Variants in SLC22A2 observed in about 807,000 individuals in gnomAD.
SLC22A2 encodes the protein solute carrier family 22 member 2.
A neutral mutation model predicts 60.5 loss-of-function variants in SLC22A2; 46 were observed. The observed-to-expected ratio is 0.76, with a 90% CI of 0.60 to 0.97. The LOEUF is 0.97. Among genes scored for constraint, SLC22A2 ranks in the 50% least tolerant of loss-of-function variants. The pLI, the probability that SLC22A2 is intolerant of heterozygous loss-of-function variation, is 0.00. For missense variants in SLC22A2, 701 were observed against 706.6 expected, an observed-to-expected ratio of 0.99 and a Z score of 0.09; for synonymous variants, 303 against 267.0, an observed-to-expected ratio of 1.13 and a Z score of -1.31.
chr6:160,224,608 G>T, intron 10 of SLC22A2, 97 bp downstream of exon 10: 1 of 567,318 alleles, frequency 1.8e-6, no homozygotes, highest in East Asian at 3.0e-5. Flanking sequence ...TCAGTGTATG[G>T]TGTGAAGTAT....
chr6:160,217,448 T>C lies in SLC22A2; in HGVS notation c.1652A>G (p.Asp551Gly). 2 of 1,604,202 alleles carry C rather than the reference T, an allele frequency of 1.2e-6. No homozygotes were observed. Among genetic ancestry groups the C allele is most frequent in the African/African-American group, 2.7e-5 (2 of 74,782 alleles). Residue 551 changes from aspartate to glycine, a missense_variant, in exon 11 of 11, where the codon GAC becomes GGC. Coordinates refer to ENST00000366953, the MANE Select transcript of SLC22A2 (RefSeq NM_003058.4). ...KMIYLQVQKL[D>G]IPLN ...TCTCTCTTCTTAGTTCAATGGAATGTCTAGTTTCTGAACTTGGAGGTAAAT... is the reference window on the plus strand; with the variant it reads ...TCTCTCTTCTTAGTTCAATGGAATGCCTAGTTTCTGAACTTGGAGGTAAAT...
chr6:160,222,026 C>T (rs1782652519), intron 10 of SLC22A2, among the ~76,000 whole-genome samples: 1 of 152,096 alleles, frequency 6.6e-6, no homozygotes, highest in Non-Finnish European at 1.5e-5. Context: ...CTGCAAAGCA[C>T]AATAAAATGA....
chr6:160,229,634 C>CT, intron 9 of SLC22A2, among the ~76,000 whole-genome samples: 1 of 151,740 alleles, frequency 6.6e-6, no homozygotes, highest in East Asian at 1.9e-4. Context: ...TTACACTTTT[C>CT]TGGGGGGCAA....
At position 160,234,536 on chromosome 6, in the gene SLC22A2, C is replaced by T. The variant is rs199975226; in HGVS notation, c.1501+6938G>A. Among the ~76,000 whole-genome samples, 4 of 152,276 alleles carry T rather than the reference C, an allele frequency of 2.6e-5. No individual in the cohort carries two copies. The East Asian group carries it at 5.8e-4, about 22-fold the overall frequency. On this transcript the variant is annotated intron_variant, in intron 9 of 10. Coordinates refer to ENST00000366953, the MANE Select transcript of SLC22A2 (RefSeq NM_003058.4). Reference sequence around the variant, plus strand: ...GCTTTTCTCCCTTTCTCTCCTTTCTCTTTTCTATTTTTTCTGTTACTCAGG... The same window carrying T: ...GCTTTTCTCCCTTTCTCTCCTTTCTTTTTTCTATTTTTTCTGTTACTCAGG...
chr6:160,251,121 T>A (rs1783179411), intron 2 of SLC22A2, among the ~76,000 whole-genome samples: 1 of 152,230 alleles, frequency 6.6e-6, no homozygotes, highest in Admixed American at 6.5e-5. Context: ...ACTTTTTCAC[T>A]TTGAAAACAA....
rs572985419 is a variant in SLC22A2 at position 160,247,918 on chromosome 6, GGCTGCT to G, written c.843-626_843-621del. Among the ~76,000 whole-genome samples the G allele has an allele frequency of 6.6e-5, 10 of 152,262 alleles. No homozygotes were observed. The South Asian group carries it at 2.1e-3, about 32-fold the overall frequency. ...AGAAACTGGAGAAAGGAGATAATAG[GGCTGCT>G]GCTGTGGCAGTTATGGTGTAAATGT... On this transcript the variant is annotated intron_variant, in intron 4 of 10. Transcript: ENST00000366953.
Position 160,217,299 on chromosome 6 carries a change from G to A in SLC22A2, c.*133C>T. 3.4e-6 allele frequency: 2 copies of A among 582,344 alleles called. No homozygotes were observed. Among genetic ancestry groups the A allele is most frequent in the Non-Finnish European group, 6.1e-6 (2 of 329,100 alleles). 36.1% of individuals were successfully genotyped at this position (582,344 alleles called of 1,614,324 possible). A position where few individuals can be genotyped will look rare whatever the true frequency, so the allele number is the denominator to read the frequency against. On this transcript the variant is annotated 3_prime_UTR_variant, in exon 11 of 11. Coordinates refer to ENST00000366953, the MANE Select transcript of SLC22A2 (RefSeq NM_003058.4). Reference sequence around the variant, plus strand: ...CAGTGTACAATAGACTCCACTGGCTGTAGACCTAGGTTGATAGGGCTCAGG... The same window carrying A: ...CAGTGTACAATAGACTCCACTGGCTATAGACCTAGGTTGATAGGGCTCAGG...
Position 160,220,341 on chromosome 6 carries a change from G to T in SLC22A2, c.1602-2843C>A, listed in dbSNP as rs889144520. Among the ~76,000 whole-genome samples the T allele has an allele frequency of 1.7e-4, 26 of 152,106 alleles. 1 individual carries two copies. The highest frequency in any genetic ancestry group is 2.4e-5 in the African/African-American group (1 of 41,400). ...GTTGAAGCAATTCAGTCACATCTTC[G>T]GGCTCTACTTCTAATTCTAGTTCTT... On this transcript the variant is annotated intron_variant, in intron 10 of 10. Coordinates refer to ENST00000366953, the MANE Select transcript of SLC22A2 (RefSeq NM_003058.4).
chr6:160,219,456 G>A (rs187215367), intron 10 of SLC22A2, among the ~76,000 whole-genome samples: 104 of 144,336 alleles, frequency 7.2e-4, no homozygotes, highest in Middle Eastern at 3.6e-3. Context: ...CGGGTGCTTC[G>A]TCGCACTGTC....
At chr6:160,252,585 A>C (rs1783206260) in intron 2 of SLC22A2, among the ~76,000 whole-genome samples, 2 of 152,174 alleles carry the variant, frequency 1.3e-5, no homozygotes, top group South Asian at 4.1e-4. Context: ...AAGAAACAGG[A>C]CAGGAAGGGT....
At chr6:160,245,851 C>T (rs1256866309) in intron 5 of SLC22A2, among the ~76,000 whole-genome samples, 2 of 149,910 alleles carry the variant, frequency 1.3e-5, no homozygotes, top group Non-Finnish European at 3.0e-5. Context: ...GCATGCACCA[C>T]AATGCCCAGC....
chr6:160,233,230 C>T (rs1008494427), intron 9 of SLC22A2, among the ~76,000 whole-genome samples: 1 of 151,904 alleles, frequency 6.6e-6, no homozygotes, highest in East Asian at 1.9e-4. Context: ...TGGGTAGAGG[C>T]CTTTTCCACA....
intron 5 of SLC22A2, among the ~76,000 whole-genome samples, chr6:160,246,336 C>T (rs1221071911): frequency 2.6e-5 from 4 of 152,130 alleles, no homozygotes; most frequent in Admixed American, 6.5e-5. Flanking sequence ...CTTTTCTACC[C>T]GCTGTGGAAT....
intron 9 of SLC22A2, among the ~76,000 whole-genome samples, chr6:160,228,827 T>C (rs1782770187): frequency 6.6e-6 from 1 of 151,668 alleles, no homozygotes; most frequent in Non-Finnish European, 1.5e-5. Flanking sequence ...GCTCAAAAGC[T>C]CCCCCACTGA....
intron 5 of SLC22A2, among the ~76,000 whole-genome samples, chr6:160,246,321 C>T (rs879647464): frequency 1.3e-5 from 2 of 152,174 alleles, no homozygotes; most frequent in Admixed American, 6.5e-5. Flanking sequence ...TAAGCTTAAT[C>T]TTCTCTTTTC....
At chr6:160,250,826 A>G (rs1289834340) in intron 2 of SLC22A2, 124 bp from the exon 3 acceptor site, 9 of 947,046 alleles carry the variant, frequency 9.5e-6, no homozygotes, top group Non-Finnish European at 1.4e-5. Flanking sequence ...TTATGAATCC[A>G]GGAGGCACAG....
chr6:160,258,445 C>T lies in SLC22A2; in HGVS notation c.313G>A (p.Asp105Asn), dbSNP rs753326999. 3 of 1,614,138 alleles carry T rather than the reference C, an allele frequency of 1.9e-6. No homozygotes were observed. The highest frequency in any genetic ancestry group is 2.2e-5 in the East Asian group (1 of 44,854). Residue 105 changes from aspartate to asparagine, a missense_variant, in exon 1 of 11, where the codon GAC (aspartate) becomes AAC (asparagine). By Grantham distance (23) the Asp-to-Asn change is conservative (BLOSUM62 1). Coordinates refer to ENST00000366953, the MANE Select transcript of SLC22A2 (RefSeq NM_003058.4). ...TTGGTGTCCAGGCTGGCCAGGGGGT[C>T]CACGCAGTCGAAGGTGCTCTGGTTC... Reference protein sequence around the residue: ...DWNQSTFDCVDPLASLDTNRS... With the variant: ...DWNQSTFDCVNPLASLDTNRS...
At chr6:160,258,301 C>A in intron 1 of SLC22A2, 43 bp downstream of exon 1, 1 of 1,541,596 alleles carries the variant, frequency 6.5e-7, no homozygotes, top group South Asian at 1.3e-5. Context: ...AGAAAATCTC[C>A]ACCATTTGCT....
intron 2 of SLC22A2, among the ~76,000 whole-genome samples, chr6:160,255,656 T>G (rs181850898): frequency 6.6e-6 from 1 of 152,320 alleles, no homozygotes; most frequent in African/African-American, 2.4e-5. Flanking sequence ...ACTATCTCAC[T>G]AGGTGATTGC....
Sources: allele counts gnomAD v4.1 joint callset (sites outside exome capture counted in the v4.1 genomes callset), GRCh38; gene constraint gnomAD v4.1.1; transcripts MANE v1.5; gene names NCBI Gene and HGNC (gene_info 2026-07-23, HGNC 2026-07-21).